The following KIF9 variants were observed in gnomAD, a reference collection of about 807,000 sequenced individuals.
KIF9 encodes the protein kinesin family member 9, also known as kinesin-like protein KIF9.
Under a neutral mutation model 94.8 loss-of-function variants are expected in KIF9, and 68 were observed. The ratio of observed to expected loss-of-function variants is 0.72; its 90% CI spans 0.59 to 0.88. KIF9 has a LOEUF of 0.88. Ranked by LOEUF, KIF9 falls within the 40% of genes least tolerant of loss-of-function variation. The pLI is 0.00. For synonymous variants in KIF9, 343 were observed against 362.1 expected, an observed-to-expected ratio of 0.95 and a Z score of 0.60; for missense variants, 882 against 982.5, an observed-to-expected ratio of 0.90 and a Z score of 1.37.
At position 47,236,087 on chromosome 3, in the gene KIF9, GC is replaced by G. The variant is rs1699006004; in HGVS notation, c.2163del (p.Lys721AsnfsTer13). 6.2e-7 allele frequency: 1 copy of G among 1,614,054 alleles called. No homozygotes were observed. The highest frequency in any genetic ancestry group is 1.3e-5 in the African/African-American group (1 of 74,920). On this transcript the variant is annotated frameshift_variant, in exon 19 of 21. Transcript: ENST00000684063. LOFTEE classifies it high-confidence loss of function. ...VIPEDMQMAL[K>X]PGGSIRPGMV... The stretch of plus-strand genomic sequence containing the variant: ...ATGCCTGGCCGGATGCTGCCGCCTG[GC>G]TTCAGTGCCATCTGCATGTCCTCAG...
rs1254489442 is a variant in KIF9, at chr3:47,271,261, C to T, written c.567G>A (p.Glu189=). ...CCTCAAAAAGGAGGCTGAATGCATC[C>T]TCCTCCTGACTTGTGAGGTGAACTG... The part of the protein sequence containing the change: ...GLSVHLTSQE[E]DAFSLLFEGE... Residue 189 remains glutamate, a synonymous_variant, in exon 5 of 21, where the codon GAG becomes GAA. Coordinates refer to ENST00000684063, the MANE Select transcript of KIF9 (RefSeq NM_182902.4). 2 of 1,613,654 alleles carry T rather than the reference C, an allele frequency of 1.2e-6. No individual in the cohort carries two copies. The highest frequency in any genetic ancestry group is 1.7e-6 in the Non-Finnish European group (2 of 1,179,766).
chr3:47,275,848 G>A (rs1701931916), intron 2 of KIF9, among the ~76,000 whole-genome samples: 1 of 152,216 alleles, frequency 6.6e-6, no homozygotes, highest in Non-Finnish European at 1.5e-5. Flanking sequence ...CTTGAATTAT[G>A]CCAGAGGGAA....
intron 10 of KIF9, among the ~76,000 whole-genome samples, chr3:47,254,076 C>T (rs966504884): frequency 1.2e-4 from 18 of 152,222 alleles, no homozygotes; most frequent in Non-Finnish European, 2.5e-4. Context: ...GAGGTTTCTA[C>T]ACATTATCTC....
rs567619185 is a variant in KIF9, at chr3:47,282,189, G to A, written c.-6+306C>T. The A allele has an allele frequency of 9.1e-6, 9 of 985,324 alleles. No individual in the cohort carries two copies. The African/African-American group carries it at 1.4e-4, about 15-fold the overall frequency. The allele number at this position is 985,324 out of a possible 1,614,324, so 61.0% of individuals were successfully genotyped here. On this transcript the variant is annotated intron_variant, in intron 1 of 20. Transcript: ENST00000684063. ...GTGATCCCAAAGCCCCCTCTAGTTC[G>A]AAAACTGACTAGTACGGAAGAGTCC...
At chr3:47,251,693 T>G (rs1035527253) in intron 10 of KIF9, among the ~76,000 whole-genome samples, 1 of 152,240 alleles carries the variant, frequency 6.6e-6, no homozygotes, top group African/African-American at 2.4e-5. Flanking sequence ...CAGAGAATTC[T>G]GCTTAAGCTG....
Position 47,245,104 on chromosome 3 carries a change from C to T in KIF9, c.1381-180G>A, listed in dbSNP as rs572123181. On this transcript the variant is annotated intron_variant, in intron 14 of 20. Coordinates refer to ENST00000684063, the MANE Select transcript of KIF9 (RefSeq NM_182902.4). ...GTAGAGCGGTCCCTGACCACTCTGC[C>T]AAATGTCCACTTTCCACATGCACCC... 173 of 723,032 alleles carry T rather than the reference C, an allele frequency of 2.4e-4. No individual in the cohort carries two copies. In the African/African-American group the frequency reaches 2.7e-3, roughly 11 times the overall value. 44.8% of individuals were successfully genotyped at this position (723,032 alleles called of 1,614,324 possible).
chr3:47,231,067 A>G (rs980588721), intron 20 of KIF9, among the ~76,000 whole-genome samples: 5 of 152,146 alleles, frequency 3.3e-5, no homozygotes, highest in African/African-American at 1.2e-4. Flanking sequence ...ATTACAGCAT[A>G]GAGAAATGAG....
chr3:47,264,962 G>A (rs1306834530), intron 8 of KIF9, among the ~76,000 whole-genome samples: 2 of 152,236 alleles, frequency 1.3e-5, no homozygotes, highest in African/African-American at 2.4e-5. Flanking sequence ...TGCAAGCCAG[G>A]AGGAGGGCCC....
chr3:47,280,524 A>G (rs1490759184), intron 1 of KIF9, among the ~76,000 whole-genome samples: 1 of 152,208 alleles, frequency 6.6e-6, no homozygotes. Flanking sequence ...TGGGTAACAC[A>G]GCAAGACCTT....
chr3:47,270,229 G>A (rs1442392293), intron 5 of KIF9, among the ~76,000 whole-genome samples: 1 of 150,978 alleles, frequency 6.6e-6, no homozygotes, highest in Non-Finnish European at 1.5e-5. Flanking sequence ...TAGTAAGGAT[G>A]CTAATTCTTA....
chr3:47,282,560 G>C lies in KIF9; in HGVS notation c.-71C>G. On this transcript the variant is annotated 5_prime_UTR_variant, in exon 1 of 21. Transcript: ENST00000684063. ...AACCGAAACCACCTGCACTCCCCACGCGGGGCTGCCTGGCTGTGTACATAG... is the reference window on the plus strand; with the variant it reads ...AACCGAAACCACCTGCACTCCCCACCCGGGGCTGCCTGGCTGTGTACATAG... The C allele has an allele frequency of 2.9e-6, 3 of 1,018,592 alleles. No individual in the cohort carries two copies. The highest frequency in any genetic ancestry group is 3.5e-6 in the Non-Finnish European group (3 of 848,992). The allele number at this position is 1,018,592 out of a possible 1,614,324, so 63.1% of individuals were successfully genotyped here.
chr3:47,258,559 T>G (rs891552038), intron 9 of KIF9, among the ~76,000 whole-genome samples: 1 of 152,180 alleles, frequency 6.6e-6, no homozygotes, highest in South Asian at 2.1e-4. Flanking sequence ...TGGGAGATGA[T>G]TGGATCATGG....
intron 15 of KIF9, 94 bp from the exon 16 acceptor site, chr3:47,243,339 G>T: frequency 1.9e-6 from 2 of 1,026,912 alleles, no homozygotes; most frequent in East Asian, 2.6e-5. Flanking sequence ...GACTACACTG[G>T]GAACCCCACC....
chr3:47,265,094 C>A (rs1052845549), intron 8 of KIF9, among the ~76,000 whole-genome samples: 6 of 152,200 alleles, frequency 3.9e-5, no homozygotes, highest in Non-Finnish European at 8.8e-5. Flanking sequence ...GCAGCCTGAA[C>A]TGAGACAGGG....
At chr3:47,235,857 C>T (rs1698985482) in intron 19 of KIF9, among the ~76,000 whole-genome samples, 177 bp downstream of exon 19, 1 of 152,188 alleles carries the variant, frequency 6.6e-6, no homozygotes, top group Non-Finnish European at 1.5e-5. Flanking sequence ...GTGGTATTTT[C>T]CCCCATTCCT....
At position 47,282,749 on chromosome 3, in the gene KIF9, AGTCAAGGTC is replaced by A; in HGVS notation, c.-269_-261del. ...AAGACTTCGGCGGATGCACATGCGAAGTCAAGGTCGAGATAGCGAGGGAACGAAGGCCGC... is the reference window on the plus strand; with the variant it reads ...AAGACTTCGGCGGATGCACATGCGAAGAGATAGCGAGGGAACGAAGGCCGC... On this transcript the variant is annotated 5_prime_UTR_variant, in exon 1 of 21. Coordinates refer to ENST00000684063, the MANE Select transcript of KIF9 (RefSeq NM_182902.4). The A allele has an allele frequency of 7.0e-7, 1 of 1,424,286 alleles. No individual in the cohort carries two copies. Among genetic ancestry groups the A allele is most frequent in the Non-Finnish European group, 9.1e-7 (1 of 1,093,152 alleles). The allele number at this position is 1,424,286 out of a possible 1,614,324, so 88.2% of individuals were successfully genotyped here.
In KIF9 at chr3:47,255,735, C is replaced by T. The variant is rs1464680557; in HGVS notation, c.1059+1748G>A. Among the ~76,000 whole-genome samples the T allele has an allele frequency of 2.1e-5, 3 of 144,396 alleles. No homozygotes were observed. The East Asian group carries it at 6.0e-4, about 29-fold the overall frequency. The allele number at this position is 144,396 out of a possible 152,430, so 94.7% of individuals were successfully genotyped here. ...AATTTTCTTCGCTCTCCCTCTCCCTCTCCCTCTCCCCACGGTCTCCCTCTC... is the reference window on the plus strand; with the variant it reads ...AATTTTCTTCGCTCTCCCTCTCCCTTTCCCTCTCCCCACGGTCTCCCTCTC... On this transcript the variant is annotated intron_variant, in intron 10 of 20. Coordinates refer to ENST00000684063, the MANE Select transcript of KIF9 (RefSeq NM_182902.4).
At chr3:47,264,371 A>G in intron 8 of KIF9, 21 bp from the exon 9 acceptor site, 2 of 1,601,950 alleles carry the variant, frequency 1.2e-6, no homozygotes, top group Non-Finnish European at 1.7e-6. Context: ...CAAGACACAG[A>G]AGGGCTATGA....
intron 19 of KIF9, 142 bp from the exon 20 acceptor site, chr3:47,235,759 G>T: frequency 1.4e-6 from 1 of 690,072 alleles, no homozygotes; most frequent in Non-Finnish European, 2.5e-6. Flanking sequence ...CAGCCCTCCA[G>T]CCCCCATGTC....
Sources: gnomAD v4.1 joint callset for allele counts (sites outside exome capture counted in the v4.1 genomes callset) on GRCh38, gnomAD v4.1.1 for gene constraint, MANE v1.5 for transcripts, NCBI Gene and HGNC (gene_info 2026-07-23, HGNC 2026-07-21) for gene names.